PRELID2: variants seen among roughly 807,000 people sequenced by gnomAD.
The protein encoded by PRELID2 is PRELI domain containing 2.
A neutral mutation model predicts 28.4 loss-of-function variants in PRELID2; 25 were observed. The observed-to-expected ratio is 0.88, with a 90% confidence interval of 0.64 to 1.23. The LOEUF (loss-of-function observed/expected upper bound fraction) is 1.23. PRELID2 is among the 50% of genes most tolerant of loss of function. PRELID2 has a pLI of 0.00. For synonymous variants in PRELID2, 76 were observed against 71.6 expected (o/e 1.06, Z -0.31); for missense variants, 201 against 214.4 (o/e 0.94, Z 0.39).
intron 1 of PRELID2, among the ~76,000 whole-genome samples, chr5:145,696,155 GCT>G (rs1491545167): frequency 9.0e-6 from 1 of 110,600 alleles, no homozygotes; most frequent in Non-Finnish European, 1.7e-5. Flanking sequence ...ATAAATAATA[GCT>G]TTTTTTTTTT....
At chr5:145,287,370 A>C in the PRELID2 span, among the ~76,000 whole-genome samples, 37 of 152,168 alleles carry the variant, frequency 2.4e-4, no homozygotes, top group African/African-American at 8.4e-4. Flanking sequence ...AAAATGTCTT[A>C]TTGTACTATT....
chr5:145,297,621 C>T, the PRELID2 span, among the ~76,000 whole-genome samples: 1 of 151,464 alleles, frequency 6.6e-6, no homozygotes, highest in African/African-American at 2.4e-5. Context: ...CTGGCCAGGG[C>T]AATTAGGCAG....
intron 1 of PRELID2, among the ~76,000 whole-genome samples, chr5:145,549,124 C>G (rs1464766618): frequency 1.3e-5 from 2 of 152,156 alleles, no homozygotes; most frequent in African/African-American, 4.8e-5. Context: ...GTGCACCCCT[C>G]TAGTGTGCTC....
At chr5:145,654,516 C>A (rs1754356767) in intron 1 of PRELID2, among the ~76,000 whole-genome samples, 1 of 152,094 alleles carries the variant, frequency 6.6e-6, no homozygotes, top group Admixed American at 6.6e-5. Flanking sequence ...ACTAGCAAAC[C>A]AAATCCAGCA....
At chr5:145,817,797 C>G in intron 4 of PRELID2, 97 bp downstream of exon 4, 1 of 1,010,668 alleles carries the variant, frequency 9.9e-7, no homozygotes, top group Admixed American at 3.0e-5. Flanking sequence ...GAGTTATAAA[C>G]AGTGGTCATA....
intron 5 of PRELID2, among the ~76,000 whole-genome samples, chr5:145,792,145 G>A (rs1030835706): frequency 2.0e-5 from 3 of 152,118 alleles, no homozygotes; most frequent in Non-Finnish European, 4.4e-5. Flanking sequence ...CCCCACGCAA[G>A]TGGCTTAAGT....
chr5:145,629,196 G>C (rs1753898490), intron 1 of PRELID2, among the ~76,000 whole-genome samples: 1 of 152,156 alleles, frequency 6.6e-6, no homozygotes, highest in Admixed American at 6.5e-5. Flanking sequence ...GGGAGAACAG[G>C]GTTGTGACTG....
At chr5:145,698,452 T>C (rs1051510302) in intron 1 of PRELID2, among the ~76,000 whole-genome samples, 7 of 152,180 alleles carry the variant, frequency 4.6e-5, no homozygotes, top group Non-Finnish European at 1.0e-4. Flanking sequence ...CTATAACAAG[T>C]ACTAGAGATG....
rs190872641 is a variant in PRELID2 at position 145,725,357 on chromosome 5, T to C, written n.70+39574A>G. 3.2e-3 allele frequency among the ~76,000 whole-genome samples: 480 copies of C among 152,246 alleles called. 2 individuals are homozygous for C. The highest frequency in any genetic ancestry group is 6.5e-3 in the Admixed American group (100 of 15,280). ...ATAATTCTTGGAGTTGGTAGAAATG[T>C]AGGGATGTAAACCTTTAAGCATTGC... On this transcript the variant is annotated intron_variant and non_coding_transcript_variant, in intron 1 of 2. Coordinates refer to the PRELID2 transcript ENST00000510259.
At chr5:145,825,158 G>A (rs374561492) in intron 1 of PRELID2, among the ~76,000 whole-genome samples, 44 of 146,354 alleles carry the variant, frequency 3.0e-4, no homozygotes, top group Non-Finnish European at 5.7e-4. Flanking sequence ...CCTGGGAGGC[G>A]GAGGTTGCAG....
intron 1 of PRELID2, among the ~76,000 whole-genome samples, chr5:145,682,489 C>T (rs1234124643): frequency 2.0e-5 from 3 of 152,210 alleles, no homozygotes; most frequent in Admixed American, 6.5e-5. Flanking sequence ...CCATTATATC[C>T]GAAATAAGCT....
chr5:145,741,175 A>C (rs1418593236), intron 1 of PRELID2, among the ~76,000 whole-genome samples: 1 of 111,808 alleles, frequency 8.9e-6, no homozygotes, highest in Admixed American at 1.2e-4. Context: ...TATATATTTT[A>C]TTTATATATA....
the PRELID2 span, among the ~76,000 whole-genome samples, chr5:145,252,497 T>C: frequency 6.6e-6 from 1 of 152,124 alleles, no homozygotes; most frequent in African/African-American, 2.4e-5. Flanking sequence ...ATTGAGAGGA[T>C]TAAATTAGAT....
At chr5:145,256,965 G>C in the PRELID2 span, among the ~76,000 whole-genome samples, 1 of 151,816 alleles carries the variant, frequency 6.6e-6, no homozygotes, top group South Asian at 2.1e-4. Flanking sequence ...CAATAGGCTT[G>C]TACTACATGA....
intron 1 of PRELID2, among the ~76,000 whole-genome samples, chr5:145,746,088 T>C (rs112095739): frequency 5.7e-4 from 86 of 152,186 alleles, no homozygotes; most frequent in Non-Finnish European, 1.1e-3. Flanking sequence ...CCAATGACAC[T>C]ATGAAGAAAT....
rs1040079373 is a variant in PRELID2, at chr5:145,762,820, G to T, written c.*10+2111C>A. ...TCATTCTTCCTATTAATCAAAAGTT[G>T]ACCGAATACATGACAACAATATCTA... On this transcript the variant is annotated intron_variant, in intron 6 of 6. Transcript: ENST00000683046. Among the ~76,000 whole-genome samples, 9 of 152,154 alleles carry T rather than the reference G, an allele frequency of 5.9e-5. No individual in the cohort carries two copies. The East Asian group carries it at 1.5e-3, about 26-fold the overall frequency.
intron 1 of PRELID2, among the ~76,000 whole-genome samples, chr5:145,543,886 T>C (rs1038640063): frequency 2.0e-5 from 3 of 152,118 alleles, no homozygotes; most frequent in South Asian, 2.1e-4. Flanking sequence ...TTTTATGAGA[T>C]AAAGAATTTT....
At chr5:145,494,688 C>A (rs1044517758) in intron 1 of PRELID2, among the ~76,000 whole-genome samples, 3 of 151,994 alleles carry the variant, frequency 2.0e-5, no homozygotes, top group Non-Finnish European at 4.4e-5. Context: ...AAGATATTGA[C>A]AACAAATGGA....
intron 1 of PRELID2, among the ~76,000 whole-genome samples, chr5:145,686,969 T>G (rs1755049810): frequency 6.6e-6 from 1 of 152,200 alleles, no homozygotes; most frequent in Non-Finnish European, 1.5e-5. Context: ...CCCTAATGAT[T>G]TTTCCAGCTC....
Sources: allele counts gnomAD v4.1 joint callset (sites outside exome capture counted in the v4.1 genomes callset), GRCh38; gene constraint gnomAD v4.1.1; transcripts MANE v1.5; gene names NCBI Gene and HGNC (gene_info 2026-07-23, HGNC 2026-07-21).